The following ATP8A2 variants were observed in gnomAD, a reference collection of about 807,000 sequenced individuals.
ATP8A2 encodes the protein ATPase phospholipid transporting 8A2, also known as phospholipid-transporting ATPase IB.
A neutral mutation model predicts 165.6 loss-of-function variants in ATP8A2; 100 were observed. The ratio of observed to expected loss-of-function variants is 0.60; its 90% CI spans 0.51 to 0.71. ATP8A2 has a LOEUF of 0.71. ATP8A2 is among the 30% of genes least tolerant of loss of function. ATP8A2 has a pLI of 0.00. For missense variants in ATP8A2, 1,227 were observed against 1,479.5 expected, an observed-to-expected ratio of 0.83 and a Z score of 2.80; for synonymous variants, 543 against 548.8, an observed-to-expected ratio of 0.99 and a Z score of 0.15.
chr13:25,871,493 G>C (rs1952676819), intron 33 of ATP8A2, among the ~76,000 whole-genome samples: 1 of 152,140 alleles, frequency 6.6e-6, no homozygotes, highest in South Asian at 2.1e-4. Flanking sequence ...AGGCCACCAA[G>C]TCCGGTTATG....
At chr13:25,544,000 C>T (rs1158461611) in intron 10 of ATP8A2, among the ~76,000 whole-genome samples, 6 of 152,216 alleles carry the variant, frequency 3.9e-5, no homozygotes, top group Non-Finnish European at 1.5e-5. Flanking sequence ...TTTGGTATCA[C>T]TTGGCATCTT....
At chr13:25,520,597 T>G (rs921784948) in intron 2 of ATP8A2, among the ~76,000 whole-genome samples, 2 of 146,424 alleles carry the variant, frequency 1.4e-5, no homozygotes, top group African/African-American at 5.2e-5. Flanking sequence ...TTTAGTTTTT[T>G]TTTTTTTTGT....
chr13:25,495,669 G>A (rs1394484386), intron 2 of ATP8A2, among the ~76,000 whole-genome samples: 1 of 112,834 alleles, frequency 8.9e-6, no homozygotes, highest in African/African-American at 3.4e-5. Flanking sequence ...GTCTCACTAT[G>A]TTGCTCAGTC....
At chr13:26,014,913 T>C (rs1956933475) in intron 36 of ATP8A2, among the ~76,000 whole-genome samples, 2 of 152,220 alleles carry the variant, frequency 1.3e-5, no homozygotes, top group South Asian at 4.1e-4. Context: ...ACCTTCTGTA[T>C]GCCAGACACA....
chr13:25,740,085 G>A (rs938816774), intron 25 of ATP8A2, among the ~76,000 whole-genome samples: 15 of 152,080 alleles, frequency 9.9e-5, no homozygotes, highest in Admixed American at 2.0e-4. Flanking sequence ...CGAGACGGGC[G>A]GATCACAAGG....
chr13:25,993,668 C>T (rs1052332127), intron 35 of ATP8A2, among the ~76,000 whole-genome samples: 1 of 152,046 alleles, frequency 6.6e-6, no homozygotes, highest in African/African-American at 2.4e-5. Context: ...TTATGTGAGC[C>T]TGTTTTTTGT....
Position 25,555,004 on chromosome 13 carries a change from AT to A in ATP8A2, c.1201del (p.Tyr401IlefsTer2). The part of the protein sequence containing the change: ...ALFINWDTDM[Y>X]YIGNDTPAMA... ...TCTCTCTCTCAGGACACAGATATGTATTATATAGGAAATGACACTCCTGCCA... is the reference window on the plus strand; with the variant it reads ...TCTCTCTCTCAGGACACAGATATGTATATATAGGAAATGACACTCCTGCCA... On this transcript the variant is annotated frameshift_variant, in exon 13 of 37. Transcript: ENST00000381655. LOFTEE classifies it high-confidence loss of function. 1 of 1,607,162 alleles carries A rather than the reference AT, an allele frequency of 6.2e-7. No individual in the cohort carries two copies. Among genetic ancestry groups the A allele is most frequent in the Non-Finnish European group, 8.5e-7 (1 of 1,173,912 alleles).
chr13:25,994,646 GT>G (rs956085115), intron 35 of ATP8A2, among the ~76,000 whole-genome samples: 2 of 151,732 alleles, frequency 1.3e-5, no homozygotes, highest in African/African-American at 4.8e-5. Context: ...ATATGAGTGT[GT>G]TTTTTTTCTC....
At chr13:25,531,810 T>G (rs1200501953) in intron 4 of ATP8A2, among the ~76,000 whole-genome samples, 1 of 152,174 alleles carries the variant, frequency 6.6e-6, no homozygotes, top group Non-Finnish European at 1.5e-5. Context: ...ATGTTTAGAC[T>G]TGGGTCCCAT....
rs1198322116 is a variant in ATP8A2 at position 25,513,204 on chromosome 13, T to G, written c.222-16795T>G. Among the ~76,000 whole-genome samples, 261 of 144,426 alleles carry G rather than the reference T, an allele frequency of 1.8e-3. 1 individual carries two copies. Among genetic ancestry groups the G allele is most frequent in the Non-Finnish European group, 5.3e-4 (35 of 66,412 alleles). The allele number at this position is 144,426 out of a possible 152,430, so 94.7% of individuals were successfully genotyped here. ...GAGAGGCTCCTCACTTCTCAGACGG[T>G]GCGGTTGCCAGGTGGAGGGTCTCCT... On this transcript the variant is annotated intron_variant, in intron 2 of 36. Coordinates refer to ENST00000381655, the MANE Select transcript of ATP8A2 (RefSeq NM_016529.6).
intron 33 of ATP8A2, among the ~76,000 whole-genome samples, chr13:25,921,705 C>A (rs1954464732): frequency 6.6e-6 from 1 of 151,784 alleles, no homozygotes; most frequent in Non-Finnish European, 1.5e-5. Context: ...AAATCTTGTA[C>A]TGTCATGAAA....
At chr13:25,801,391 A>G (rs904302934) in intron 27 of ATP8A2, among the ~76,000 whole-genome samples, 2 of 152,178 alleles carry the variant, frequency 1.3e-5, no homozygotes, top group Non-Finnish European at 2.9e-5. Flanking sequence ...GTATTGCCCC[A>G]CGGTTCTGGC....
chr13:25,815,586 G>A (rs531538913), intron 27 of ATP8A2, among the ~76,000 whole-genome samples: 2 of 152,270 alleles, frequency 1.3e-5, no homozygotes, highest in South Asian at 4.2e-4. Flanking sequence ...TATTGCTGCT[G>A]GGAAAGTAAA....
rs148311074 is a variant in ATP8A2 at position 25,562,594 on chromosome 13, C to A, written c.1398-1362C>A. ...GCTTTCTTTTCATAAAAAGAACTTT[C>A]TAGTTTCCTGCCAAGGGCTATAAAT... On this transcript the variant is annotated intron_variant, in intron 15 of 36. Coordinates refer to ENST00000381655, the MANE Select transcript of ATP8A2 (RefSeq NM_016529.6). Among the ~76,000 whole-genome samples the A allele has an allele frequency of 3.1e-3, 474 of 152,312 alleles. 3 individuals carry two copies. The highest frequency in any genetic ancestry group is 0.011 in the African/African-American group (444 of 41,568).
chr13:25,758,430 C>T (rs2044309383), intron 25 of ATP8A2, among the ~76,000 whole-genome samples: 1 of 152,168 alleles, frequency 6.6e-6, no homozygotes, highest in Admixed American at 6.5e-5. Context: ...GAGACAGAAG[C>T]ACATAGCCAA....
At chr13:25,857,006 T>C (rs1288362923) in intron 30 of ATP8A2, among the ~76,000 whole-genome samples, 3 of 152,220 alleles carry the variant, frequency 2.0e-5, no homozygotes, top group Admixed American at 1.3e-4. Flanking sequence ...AGAATGTAAC[T>C]TATTCCATTT....
intron 3 of ATP8A2, 23 bp from the exon 4 acceptor site, chr13:25,530,539 A>G: frequency 3.5e-6 from 5 of 1,408,666 alleles, no homozygotes; most frequent in Non-Finnish European, 4.9e-6. Context: ...CCAACTTCCT[A>G]CTTGTGGTCT....
At chr13:25,804,556 CT>C (rs1950689297) in intron 27 of ATP8A2, among the ~76,000 whole-genome samples, 1 of 152,142 alleles carries the variant, frequency 6.6e-6, no homozygotes, top group South Asian at 2.1e-4. Flanking sequence ...TGGCTAGTTT[CT>C]CTCTTATTGG....
chr13:25,379,736 G>T (rs148557916), intron 1 of ATP8A2, among the ~76,000 whole-genome samples: 1 of 152,276 alleles, frequency 6.6e-6, no homozygotes, highest in South Asian at 2.1e-4. Flanking sequence ...CCTGCTAAGC[G>T]TGTAAGATAG....
Sources: gnomAD v4.1 joint callset for allele counts (sites outside exome capture counted in the v4.1 genomes callset) on GRCh38, gnomAD v4.1.1 for gene constraint, MANE v1.5 for transcripts, NCBI Gene and HGNC (gene_info 2026-07-23, HGNC 2026-07-21) for gene names.